PARD3: variants seen among roughly 807,000 people sequenced by gnomAD.
The protein encoded by PARD3 is par-3 family cell polarity regulator, also known as partitioning defective 3 homolog.
Under a neutral mutation model 155.4 loss-of-function variants are expected in PARD3, and 75 were observed. That is an observed-to-expected ratio of 0.48 (90% CI 0.40 to 0.58). PARD3 has a LOEUF of 0.58. PARD3 is among the 20% of genes least tolerant of loss of function. The pLI is 0.00. For missense variants in PARD3, 1,642 were observed against 1,721.7 expected, an observed-to-expected ratio of 0.95 and a Z score of 0.82; for synonymous variants, 576 against 610.5, an observed-to-expected ratio of 0.94 and a Z score of 0.83.
chr10:34,602,684 T>C (rs1321319573), intron 2 of PARD3, among the ~76,000 whole-genome samples: 1 of 152,230 alleles, frequency 6.6e-6, no homozygotes, highest in Non-Finnish European at 1.5e-5. Flanking sequence ...ATGTATAATG[T>C]ACATATGTAT....
At chr10:34,185,483 G>T (rs1334799812) in intron 22 of PARD3, among the ~76,000 whole-genome samples, 1 of 152,104 alleles carries the variant, frequency 6.6e-6, no homozygotes, top group African/African-American at 2.4e-5. Flanking sequence ...AAGACAAAAG[G>T]AAAAGACTGA....
At chr10:34,415,582 C>G (rs997480695) in intron 5 of PARD3, among the ~76,000 whole-genome samples, 6 of 152,106 alleles carry the variant, frequency 3.9e-5, no homozygotes, top group African/African-American at 1.4e-4. Context: ...ACCAGTCAAA[C>G]AGCAAAGAAC....
intron 3 of PARD3, among the ~76,000 whole-genome samples, chr10:34,482,293 C>A (rs981691898): frequency 6.6e-6 from 1 of 152,032 alleles, no homozygotes; most frequent in Non-Finnish European, 1.5e-5. Flanking sequence ...CCTCAGCCTA[C>A]CAAAGTGCTG....
chr10:34,712,563 C>T (rs1215254057), intron 1 of PARD3, among the ~76,000 whole-genome samples: 1 of 152,196 alleles, frequency 6.6e-6, no homozygotes, highest in Non-Finnish European at 1.5e-5. Context: ...ATCAACACCA[C>T]ATAATGTCAC....
At chr10:34,430,199 A>G (rs1320433426) in intron 5 of PARD3, among the ~76,000 whole-genome samples, 1 of 152,202 alleles carries the variant, frequency 6.6e-6, no homozygotes, top group Non-Finnish European at 1.5e-5. Context: ...TTCTTTTGTT[A>G]TCAAAGGATT....
intron 3 of PARD3, among the ~76,000 whole-genome samples, chr10:34,512,013 T>A (rs1377704949): frequency 6.6e-6 from 1 of 152,170 alleles, no homozygotes; most frequent in Non-Finnish European, 1.5e-5. Context: ...CACCTCCCAT[T>A]AGGCCACACC....
intron 2 of PARD3, among the ~76,000 whole-genome samples, chr10:34,586,159 C>G (rs2088020651): frequency 6.6e-6 from 1 of 151,816 alleles, no homozygotes; most frequent in Admixed American, 6.6e-5. Context: ...TATGGAAATC[C>G]CTGAAAATAA....
chr10:34,652,028 A>G (rs963910142), intron 2 of PARD3, among the ~76,000 whole-genome samples: 2 of 152,056 alleles, frequency 1.3e-5, no homozygotes, highest in African/African-American at 4.8e-5. Flanking sequence ...CACGGCCAGC[A>G]TTTTTTCCTC....
At position 34,580,961 on chromosome 10, in the gene PARD3, T is replaced by C. The variant is rs12415611; in HGVS notation, c.223-63802A>G. On this transcript the variant is annotated intron_variant, in intron 2 of 24. Transcript: ENST00000374788. ...ATGGTCTAACACATTAATCATTTAATTTCTAAAAGAAAATATAAAACATGA... is the reference window on the plus strand; with the variant it reads ...ATGGTCTAACACATTAATCATTTAACTTCTAAAAGAAAATATAAAACATGA... 9.0e-3 allele frequency among the ~76,000 whole-genome samples: 1,364 copies of C among 152,324 alleles called. 39 individuals carry two copies. Among genetic ancestry groups the C allele is most frequent in the Admixed American group, 0.053 (815 of 15,296 alleles).
rs556909545 is a variant in PARD3, at chr10:34,742,287, AG to A, written c.121-45869del. On this transcript the variant is annotated intron_variant, in intron 1 of 24. Transcript: ENST00000374788. Reference sequence around the variant, plus strand: ...GGCACTTGCCTCTGACACCAATGTAAGGGGGGGACCAAAATCTCAGTAGTCA... The same window carrying A: ...GGCACTTGCCTCTGACACCAATGTAAGGGGGGACCAAAATCTCAGTAGTCA... Among the ~76,000 whole-genome samples the A allele has an allele frequency of 1.5e-3, 236 of 152,302 alleles. 1 individual carries two copies. Among genetic ancestry groups the A allele is most frequent in the African/African-American group, 5.6e-3 (231 of 41,564 alleles).
At position 34,753,026 on chromosome 10, in the gene PARD3, G is replaced by A. The variant is rs564428248; in HGVS notation, c.121-56607C>T. 8.9e-4 allele frequency among the ~76,000 whole-genome samples: 136 copies of A among 152,302 alleles called. 1 individual carries two copies. Among genetic ancestry groups the A allele is most frequent in the African/African-American group, 3.0e-3 (125 of 41,568 alleles). On this transcript the variant is annotated intron_variant, in intron 1 of 24. Transcript: ENST00000374788. ...TTTTCTAATGGAAGAAAACAGCCAAGGCAGCAGGCTAAAGCCTCCTCCTTA... is the reference window on the plus strand; with the variant it reads ...TTTTCTAATGGAAGAAAACAGCCAAAGCAGCAGGCTAAAGCCTCCTCCTTA...
chr10:34,637,034 T>C (rs910077840), intron 2 of PARD3, among the ~76,000 whole-genome samples: 1 of 152,212 alleles, frequency 6.6e-6, no homozygotes, highest in Non-Finnish European at 1.5e-5. Context: ...TGAGACATGT[T>C]GCACAACTGA....
At chr10:34,579,529 A>G (rs1336602345) in intron 2 of PARD3, among the ~76,000 whole-genome samples, 3 of 150,632 alleles carry the variant, frequency 2.0e-5, no homozygotes, top group Admixed American at 6.6e-5. Flanking sequence ...AACGTGAACT[A>G]AATAAATAAA....
At chr10:34,397,181 A>G (rs1370053573) in intron 7 of PARD3, among the ~76,000 whole-genome samples, 1 of 152,190 alleles carries the variant, frequency 6.6e-6, no homozygotes, top group Non-Finnish European at 1.5e-5. Flanking sequence ...AGAATGAGGA[A>G]GGTGGGGATC....
chr10:34,307,219 A>G (rs2570331), intron 20 of PARD3, among the ~76,000 whole-genome samples: 82,225 of 151,772 alleles, frequency 0.54, 22,522 homozygotes, highest in African/African-American at 0.63. Flanking sequence ...TTCACTCAAC[A>G]CTGTTTTAGT....
At chr10:34,314,909 C>A (rs938875451) in intron 20 of PARD3, among the ~76,000 whole-genome samples, 1 of 152,138 alleles carries the variant, frequency 6.6e-6, no homozygotes. Context: ...AAAAATTGAT[C>A]AATTGGCTCT....
intron 2 of PARD3, among the ~76,000 whole-genome samples, chr10:34,660,505 A>G (rs2093295746): frequency 6.6e-6 from 1 of 152,136 alleles, no homozygotes; most frequent in Non-Finnish European, 1.5e-5. Context: ...GCTGCACTAC[A>G]CACCTGGGTT....
At chr10:34,233,281 T>C (rs1047052320) in intron 22 of PARD3, among the ~76,000 whole-genome samples, 1 of 151,976 alleles carries the variant, frequency 6.6e-6, no homozygotes, top group African/African-American at 2.4e-5. Flanking sequence ...TTGGTTTCTA[T>C]AGGACTGCAT....
intron 22 of PARD3, among the ~76,000 whole-genome samples, chr10:34,207,097 A>C (rs906538054): frequency 2.6e-5 from 4 of 152,122 alleles, no homozygotes; most frequent in African/African-American, 9.7e-5. Context: ...TTTGGTTGGG[A>C]TGGGTGAGGC....
Sources: gnomAD v4.1 joint callset for allele counts (sites outside exome capture counted in the v4.1 genomes callset) on GRCh38, gnomAD v4.1.1 for gene constraint, MANE v1.5 for transcripts, NCBI Gene and HGNC (gene_info 2026-07-23, HGNC 2026-07-21) for gene names.